The following NTM variants were observed in gnomAD, a reference collection of about 807,000 sequenced individuals.
NTM encodes IgLON family member 2.
NTM carries 13 observed loss-of-function variants against 42.1 expected under a neutral mutation model. The observed-to-expected ratio is 0.31, with a 90% CI of 0.20 to 0.49. NTM has a LOEUF of 0.49. NTM is among the 20% of genes least tolerant of loss of function. The pLI is 0.99. For synonymous variants in NTM, 187 were observed against 179.2 expected, an observed-to-expected ratio of 1.04 and a Z score of -0.35; for missense variants, 373 against 452.8, an observed-to-expected ratio of 0.82 and a Z score of 1.60.
intron 2 of NTM, among the ~76,000 whole-genome samples, chr11:132,060,838 A>G (rs141908899): frequency 6.6e-6 from 1 of 152,138 alleles, no homozygotes; most frequent in Admixed American, 6.5e-5. Context: ...CATGTCTACA[A>G]ATGGTGTTAG....
chr11:131,418,403 G>A (rs529640479), intron 1 of NTM, among the ~76,000 whole-genome samples: 8 of 152,302 alleles, frequency 5.3e-5, no homozygotes, highest in African/African-American at 7.2e-5. Context: ...GATCTCTGTC[G>A]CCACATCTGT....
intron 2 of NTM, among the ~76,000 whole-genome samples, chr11:131,925,383 C>CTTTTTTTTTTTTT (rs61493262): frequency 9.0e-6 from 1 of 111,456 alleles, no homozygotes. Context: ...TTTCTTTTCT[C>CTTTTTTTTTTTTT]TTTTTTTTTT....
chr11:131,423,100 C>T (rs1279560266), intron 1 of NTM, among the ~76,000 whole-genome samples: 1 of 152,140 alleles, frequency 6.6e-6, no homozygotes, highest in East Asian at 1.9e-4. Context: ...CTCTCAGGCC[C>T]CATCTCAAAG....
chr11:132,117,481 C>T (rs893826953), intron 2 of NTM, among the ~76,000 whole-genome samples: 1 of 152,164 alleles, frequency 6.6e-6, no homozygotes, highest in Non-Finnish European at 1.5e-5. Flanking sequence ...AAGTGAAGGG[C>T]TGTGATTTGA....
At chr11:131,723,493 G>A (rs899417412) in intron 1 of NTM, among the ~76,000 whole-genome samples, 5 of 152,190 alleles carry the variant, frequency 3.3e-5, no homozygotes, top group Non-Finnish European at 7.3e-5. Flanking sequence ...GATGGTAAAA[G>A]GTCACTCCTT....
chr11:131,880,252 G>A (rs1441011230), intron 1 of NTM, among the ~76,000 whole-genome samples: 1 of 152,192 alleles, frequency 6.6e-6, no homozygotes, highest in Non-Finnish European at 1.5e-5. Context: ...AAGCCTTAAG[G>A]AGGCTGCAGC....
chr11:132,329,936 C>T lies in NTM; in HGVS notation c.935-217C>T, dbSNP rs536197504. On this transcript the variant is annotated intron_variant, in intron 7 of 8. Coordinates refer to ENST00000683400, the MANE Select transcript of NTM (RefSeq NM_001352005.2). ...CATCCTTCTCCAGCCATCTGCTCACCTCTTGAGGCAACTGGCTGCCCAAGT... is the reference window on the plus strand; with the variant it reads ...CATCCTTCTCCAGCCATCTGCTCACTTCTTGAGGCAACTGGCTGCCCAAGT... Among the ~76,000 whole-genome samples, 4 of 152,326 alleles carry T rather than the reference C, an allele frequency of 2.6e-5. No individual in the cohort carries two copies. The South Asian group carries it at 8.3e-4, about 32-fold the overall frequency.
At chr11:131,620,025 G>C (rs1000140623) in intron 1 of NTM, among the ~76,000 whole-genome samples, 1 of 152,034 alleles carries the variant, frequency 6.6e-6, no homozygotes, top group South Asian at 2.1e-4. Context: ...GGATGGTCTT[G>C]ATCTCCTGAC....
At chr11:132,252,745 C>T (rs897481420) in intron 4 of NTM, among the ~76,000 whole-genome samples, 1 of 152,158 alleles carries the variant, frequency 6.6e-6, no homozygotes, top group Admixed American at 6.5e-5. Context: ...CGTCCATGTG[C>T]ACCATGATTT....
At chr11:132,220,828 A>T (rs529409965) in intron 4 of NTM, among the ~76,000 whole-genome samples, 1 of 152,234 alleles carries the variant, frequency 6.6e-6, no homozygotes, top group African/African-American at 2.4e-5. Context: ...TCCCCACAGA[A>T]GCCAACCAGC....
intron 2 of NTM, among the ~76,000 whole-genome samples, chr11:131,923,412 T>C (rs1376257787): frequency 6.6e-6 from 1 of 152,198 alleles, no homozygotes; most frequent in Non-Finnish European, 1.5e-5. Context: ...AAGAGGAAAC[T>C]CAGGTCTGTC....
chr11:131,708,235 G>T (rs1466629997), intron 1 of NTM, among the ~76,000 whole-genome samples: 1 of 152,050 alleles, frequency 6.6e-6, no homozygotes, highest in Non-Finnish European at 1.5e-5. Flanking sequence ...GAAAAAACAT[G>T]AATTCTTCAA....
chr11:131,429,348 C>T (rs907088084), intron 1 of NTM, among the ~76,000 whole-genome samples: 8 of 152,170 alleles, frequency 5.3e-5, no homozygotes, highest in Non-Finnish European at 1.0e-4. Flanking sequence ...AAGGACCCCC[C>T]GCCCAGCCTC....
At chr11:132,305,135 T>G (rs539065003) in intron 4 of NTM, among the ~76,000 whole-genome samples, 2 of 152,366 alleles carry the variant, frequency 1.3e-5, no homozygotes, top group African/African-American at 4.8e-5. Flanking sequence ...AGTCCAGGAC[T>G]GTCATGCCTC....
chr11:132,101,150 C>T (rs185051418), intron 2 of NTM, among the ~76,000 whole-genome samples: 1 of 152,304 alleles, frequency 6.6e-6, no homozygotes, highest in African/African-American at 2.4e-5. Flanking sequence ...ATCTTTCCTA[C>T]CTCTATGGAC....
At chr11:131,741,074 A>C (rs888222710) in intron 1 of NTM, among the ~76,000 whole-genome samples, 2 of 151,836 alleles carry the variant, frequency 1.3e-5, no homozygotes, top group Non-Finnish European at 2.9e-5. Flanking sequence ...CTGAGGCAGG[A>C]GAATTGTTTG....
At chr11:131,413,766 G>A (rs959384207) in intron 1 of NTM, among the ~76,000 whole-genome samples, 1 of 152,196 alleles carries the variant, frequency 6.6e-6, no homozygotes, top group South Asian at 2.1e-4. Flanking sequence ...TGGGCAGCAG[G>A]TTCCTGGCAG....
intron 1 of NTM, among the ~76,000 whole-genome samples, chr11:131,474,059 C>T (rs976092226): frequency 2.0e-5 from 3 of 152,116 alleles, no homozygotes; most frequent in South Asian, 2.1e-4. Context: ...GTCTTCACCT[C>T]ATTCTCTCAT....
At chr11:132,242,277 A>C (rs2090338292) in intron 4 of NTM, among the ~76,000 whole-genome samples, 1 of 152,188 alleles carries the variant, frequency 6.6e-6, no homozygotes, top group Non-Finnish European at 1.5e-5. Context: ...CTTAACAATT[A>C]AAGTACACAC....
Sources: gnomAD v4.1 joint callset for allele counts (sites outside exome capture counted in the v4.1 genomes callset) on GRCh38, gnomAD v4.1.1 for gene constraint, MANE v1.5 for transcripts, NCBI Gene and HGNC (gene_info 2026-07-23, HGNC 2026-07-21) for gene names.